SEMA4D: variants seen among roughly 807,000 people sequenced by gnomAD.
SEMA4D encodes semaphorin-4D.
Under a neutral mutation model 74.8 loss-of-function variants are expected in SEMA4D, and 22 were observed. The observed-to-expected ratio is 0.29, with a 90% CI of 0.21 to 0.42. The LOEUF is 0.42. Among genes scored for constraint, SEMA4D ranks in the 10% least tolerant of loss-of-function variants. SEMA4D has a pLI of 1.00. For missense variants in SEMA4D, 937 were observed against 1,118.4 expected (o/e 0.84, Z 2.31); for synonymous variants, 445 against 463.7 (o/e 0.96, Z 0.52).
chr9:89,449,526 G>T, intron 2 of SEMA4D: 1 of 762,062 alleles, frequency 1.3e-6, no homozygotes, highest in South Asian at 1.4e-5. Flanking sequence ...GCGGCTCAGG[G>T]GAAACGAGGC....
chr9:89,452,836 A>G (rs1320068523), intron 2 of SEMA4D, among the ~76,000 whole-genome samples: 1 of 152,334 alleles, frequency 6.6e-6, no homozygotes, highest in East Asian at 1.9e-4. Context: ...TCTAGACTGC[A>G]TGGCTTATCT....
chr9:89,461,700 C>CTTTTTTTTTTTTTT (rs61696689), intron 1 of SEMA4D, among the ~76,000 whole-genome samples: 8 of 103,660 alleles, frequency 7.7e-5, no homozygotes, highest in Admixed American at 3.2e-4. Context: ...TCTTTTTTCT[C>CTTTTTTTTTTTTTT]TTTTTTTTTT....
intron 1 of SEMA4D, among the ~76,000 whole-genome samples, chr9:89,493,091 T>A (rs943995491): frequency 6.6e-6 from 1 of 152,154 alleles, no homozygotes; most frequent in African/African-American, 2.4e-5. Context: ...CTTCATCAAG[T>A]GGACAAGTGC....
intron 2 of SEMA4D, among the ~76,000 whole-genome samples, chr9:89,415,637 G>C (rs1484117001): frequency 6.6e-6 from 1 of 152,210 alleles, no homozygotes; most frequent in Admixed American, 6.5e-5. Flanking sequence ...TGAACCAGGA[G>C]GAGGGCCTTC....
chr9:89,488,352 CTTTTT>C (rs1158168446), intron 1 of SEMA4D, among the ~76,000 whole-genome samples: 4 of 62,590 alleles, frequency 6.4e-5, no homozygotes, highest in South Asian at 7.6e-4. Context: ...GATCACAGAT[CTTTTT>C]TTTTTTTTTT....
downstream of SEMA4D, chr9:89,377,136 A>G: frequency 2.1e-6 from 3 of 1,451,340 alleles, no homozygotes; most frequent in Non-Finnish European, 1.8e-6. Context: ...GGCAAAACAC[A>G]GCAGGAAACG....
intron 1 of SEMA4D, among the ~76,000 whole-genome samples, chr9:89,488,943 C>T (rs1825413575): frequency 6.6e-6 from 1 of 152,294 alleles, no homozygotes; most frequent in African/African-American, 2.4e-5. Context: ...CTACAACTCA[C>T]ATATAAGAAG....
chr9:89,450,096 A>G (rs1256951024), intron 2 of SEMA4D: 9 of 1,233,260 alleles, frequency 7.3e-6, no homozygotes, highest in East Asian at 2.3e-5. Context: ...ATTTAACTGC[A>G]TGCCAATAGA....
chr9:89,483,333 C>T (rs1453360411), intron 1 of SEMA4D, among the ~76,000 whole-genome samples: 1 of 152,172 alleles, frequency 6.6e-6, no homozygotes, highest in African/African-American at 2.4e-5. Context: ...CTGCTTTGAC[C>T]CAGTTTTCCT....
exon 19 of SEMA4D, chr9:89,360,897 C>G (rs1463590141): frequency 1.3e-5 from 2 of 152,192 alleles, no homozygotes; most frequent in Admixed American, 6.5e-5. Flanking sequence ...ACGAAAACTT[C>G]AAGTATGTAA....
intron 2 of SEMA4D, among the ~76,000 whole-genome samples, chr9:89,407,031 C>T (rs768174270): frequency 6.7e-6 from 1 of 150,370 alleles, no homozygotes; most frequent in African/African-American, 2.4e-5. Flanking sequence ...CTCCTCCTGT[C>T]CATCTCCACC....
rs1048905355 is a variant in SEMA4D, at chr9:89,379,704, C to A, written c.1664-75G>T. ...TTTAACAACTTCTTTAAAATACCCA[C>A]AAGATGACGCAAGAGTTTCACCCAC... On this transcript the variant is annotated intron_variant, in intron 15 of 15. Transcript: ENST00000422704. The A allele has an allele frequency of 1.1e-5, 16 of 1,467,164 alleles. No homozygotes were observed. The African/African-American group carries it at 2.1e-4, about 19-fold the overall frequency. 90.9% of individuals were successfully genotyped at this position (1,467,164 alleles called of 1,614,324 possible). A position where few individuals can be genotyped will look rare whatever the true frequency, so the allele number is the denominator to read the frequency against.
chr9:89,478,736 A>G (rs972123474), intron 1 of SEMA4D, among the ~76,000 whole-genome samples: 2 of 151,424 alleles, frequency 1.3e-5, no homozygotes, highest in Non-Finnish European at 2.9e-5. Context: ...TCCCACCCAA[A>G]ACCTGAGTCC....
Position 89,381,197 on chromosome 9 carries a change from C to G in SEMA4D, c.1596G>C (p.Leu532=), listed in dbSNP as rs1463852187. 1 of 1,610,896 alleles carries G rather than the reference C, an allele frequency of 6.2e-7. No homozygotes were observed. Among genetic ancestry groups the G allele is most frequent in the Non-Finnish European group, 8.5e-7 (1 of 1,177,406 alleles). Residue 532 remains leucine (L), a synonymous_variant, in exon 14 of 16, where the codon CTG becomes CTC. Coordinates refer to ENST00000422704, the MANE Select transcript of SEMA4D (RefSeq NM_001371194.2). This position sits in a 1 kb window ranked among gnomAD's most constrained non-coding sequence, Gnocchi z 4.6. Reference sequence around the variant, plus strand: ...ACCTGCTGGGGCTCTCGGTCTGGTGCAGAGCCACGCAGGTCGCTGTGGGCG... The same window carrying G: ...ACCTGCTGGGGCTCTCGGTCTGGTGGAGAGCCACGCAGGTCGCTGTGGGCG... ...WSPPTATCVA[L]HQTESPSRGL... is the part of the protein sequence containing the mutation.
At chr9:89,435,125 C>T (rs942835476) in intron 2 of SEMA4D, among the ~76,000 whole-genome samples, 1 of 152,098 alleles carries the variant, frequency 6.6e-6, no homozygotes, top group Non-Finnish European at 1.5e-5. Context: ...GGGGAGTGCA[C>T]GGGGGCTGCA....
At chr9:89,376,990 C>G (rs754424588), downstream of SEMA4D, 3 of 1,550,026 alleles carry the variant, frequency 1.9e-6, no homozygotes, top group Admixed American at 2.0e-5. Flanking sequence ...TCCTGTCCCC[C>G]ACATGGCCCA....
chr9:89,471,168 G>A (rs1195194003), intron 1 of SEMA4D, among the ~76,000 whole-genome samples: 3 of 152,138 alleles, frequency 2.0e-5, no homozygotes, highest in Non-Finnish European at 2.9e-5. Context: ...CCACTTATAG[G>A]AGGTCCCTAG....
intron 16 of SEMA4D, among the ~76,000 whole-genome samples, chr9:89,371,664 G>A (rs1425996467): frequency 4.2e-5 from 4 of 95,574 alleles, no homozygotes; most frequent in East Asian, 3.6e-4. Context: ...GGGGTGTGGT[G>A]TGTGTCTGGG....
intron 1 of SEMA4D, among the ~76,000 whole-genome samples, chr9:89,485,579 G>A (rs1156432041): frequency 1.1e-4 from 16 of 151,828 alleles, no homozygotes; most frequent in African/African-American, 2.7e-4. Flanking sequence ...ACCTGAGGTC[G>A]GGAGTTCAAG....
Sources: gnomAD v4.1 joint callset for allele counts (sites outside exome capture counted in the v4.1 genomes callset) on GRCh38, gnomAD v4.1.1 for gene constraint, Gnocchi (gnomAD v3.1) non-coding constraint, MANE v1.5 for transcripts, NCBI Gene and HGNC (gene_info 2026-07-23, HGNC 2026-07-21) for gene names.